The following ZW10 variants were observed in gnomAD, a reference collection of about 807,000 sequenced individuals.
The protein encoded by ZW10 is centromere/kinetochore protein zw10 homolog.
ZW10 carries 53 observed loss-of-function variants against 87.8 expected under a neutral mutation model. That is an observed-to-expected ratio of 0.60 (90% CI 0.48 to 0.76). The LOEUF (loss-of-function observed/expected upper bound fraction) is 0.76, where lower values mean the gene tolerates loss of function less well. Among genes scored for constraint, ZW10 ranks in the 30% least tolerant of loss-of-function variants. The pLI is 0.00. For missense variants in ZW10, 837 were observed against 923.0 expected, an observed-to-expected ratio of 0.91 and a Z score of 1.21; for synonymous variants, 312 against 329.2, an observed-to-expected ratio of 0.95 and a Z score of 0.57.
intron 9 of ZW10, among the ~76,000 whole-genome samples, chr11:113,746,082 G>C (rs1215244411): frequency 6.6e-6 from 1 of 152,178 alleles, no homozygotes; most frequent in Non-Finnish European, 1.5e-5. Flanking sequence ...CAGGGATGCT[G>C]CTAAATATCC....
At chr11:113,736,583 GGA>G (rs1953555534) in intron 15 of ZW10, 35 bp downstream of exon 15, 1 of 1,588,412 alleles carries the variant, frequency 6.3e-7, no homozygotes, top group African/African-American at 1.3e-5. Context: ...TTGTAGCTAT[GGA>G]GAGTTATATG....
chr11:113,744,527 T>C (rs1178091691), intron 9 of ZW10, among the ~76,000 whole-genome samples: 1 of 152,204 alleles, frequency 6.6e-6, no homozygotes, highest in Non-Finnish European at 1.5e-5. Flanking sequence ...GACTGCTGAA[T>C]CCTAGATGAA....
chr11:113,735,218 G>T (rs1187004576), intron 15 of ZW10, among the ~76,000 whole-genome samples: 1 of 152,108 alleles, frequency 6.6e-6, no homozygotes, highest in Non-Finnish European at 1.5e-5. Flanking sequence ...GCAGTAAAAA[G>T]AAGTTGAGTT....
intron 10 of ZW10, among the ~76,000 whole-genome samples, chr11:113,743,036 G>A (rs17115918): frequency 0.085 from 12,906 of 152,248 alleles, 593 homozygotes; most frequent in Middle Eastern, 0.17. Flanking sequence ...TCTGCAATCA[G>A]CTTGGTCCAT....
chr11:113,743,674 T>C, intron 10 of ZW10, 128 bp downstream of exon 10: 1 of 772,862 alleles, frequency 1.3e-6, no homozygotes, highest in South Asian at 1.7e-5. Context: ...TTGTTTTGTT[T>C]CCAGAAAAAG....
chr11:113,763,319 A>G (rs1013352187), intron 2 of ZW10, among the ~76,000 whole-genome samples: 1 of 152,224 alleles, frequency 6.6e-6, no homozygotes, highest in Admixed American at 6.5e-5. Flanking sequence ...CAGTGCTGCA[A>G]TAAACATATG....
chr11:113,773,605 C>T lies in ZW10; in HGVS notation c.62G>A (p.Gly21Glu). 3 of 1,614,048 alleles carry T rather than the reference C, an allele frequency of 1.9e-6. No homozygotes were observed. The highest frequency in any genetic ancestry group is 1.3e-5 in the African/African-American group (1 of 75,056). Residue 21 changes from glycine (G) to glutamate (E), a missense_variant, in exon 1 of 16, where the codon GGG becomes GAG. Coordinates refer to ENST00000200135, the MANE Select transcript of ZW10 (RefSeq NM_004724.4). ...CCGGGTCAGGCGGCTGATCCGGGTC[C>T]CCAGATCCTCCTTTTCCAGCCTCCC... Reference protein sequence around the residue: ...HSGRLEKEDLGTRISRLTRRV... With the variant: ...HSGRLEKEDLETRISRLTRRV...
chr11:113,746,302 A>G (rs2134874767), intron 9 of ZW10, among the ~76,000 whole-genome samples: 1 of 152,340 alleles, frequency 6.6e-6, no homozygotes, highest in South Asian at 2.1e-4. Flanking sequence ...GAGGTTCAAC[A>G]AGGTGAGAAG....
intron 1 of ZW10, among the ~76,000 whole-genome samples, chr11:113,772,256 G>A (rs1393815073): frequency 2.0e-5 from 3 of 152,180 alleles, no homozygotes; most frequent in African/African-American, 4.8e-5. Flanking sequence ...TCCAGAACAC[G>A]CAGGAGCTAG....
intron 2 of ZW10, among the ~76,000 whole-genome samples, chr11:113,765,770 A>G (rs1214217503): frequency 1.3e-5 from 2 of 152,170 alleles, no homozygotes; most frequent in Non-Finnish European, 2.9e-5. Flanking sequence ...ACTATCTTAC[A>G]AGTAAGGCAA....
rs376613268 is a variant in ZW10, at chr11:113,761,431, C to T, written c.241-513G>A. On this transcript the variant is annotated intron_variant, in intron 2 of 15. Coordinates refer to ENST00000200135, the MANE Select transcript of ZW10 (RefSeq NM_004724.4). ...AGTAGCCAGAACTACAGGCACGCAC[C>T]ACCACACCTGTCTAATTTTTGTATT... Among the ~76,000 whole-genome samples, 7 of 152,242 alleles carry T rather than the reference C, an allele frequency of 4.6e-5. 3 individuals are homozygous for T. The highest frequency in any genetic ancestry group is 6.5e-5 in the Admixed American group (1 of 15,286).
rs1282611758 is a variant in ZW10 at position 113,748,267 on chromosome 11, T to G, written c.1079A>C (p.Gln360Pro). Residue 360 changes from glutamine to proline, a missense_variant, in exon 8 of 16, where the codon CAA becomes CCA. By Grantham distance (76) the Gln-to-Pro change is moderately conservative (BLOSUM62 -1). Transcript: ENST00000200135. ...GTCTGGGCTCTTTACCTCTTCATAT[T>G]GCTGTAATTTGCTGCTATTTGTTGG... The part of the protein sequence containing the change: ...SIPTNSSKLQ[Q>P]YEEIIQSTEE... 6.2e-7 allele frequency: 1 copy of G among 1,611,792 alleles called. No individual in the cohort carries two copies. The highest frequency in any genetic ancestry group is 8.5e-7 in the Non-Finnish European group (1 of 1,179,378).
At chr11:113,759,274 G>T (rs556590720) in intron 5 of ZW10, among the ~76,000 whole-genome samples, 1 of 152,072 alleles carries the variant, frequency 6.6e-6, no homozygotes, top group Non-Finnish European at 1.5e-5. Context: ...TTAACAAGTA[G>T]GGTGTGTTAT....
At chr11:113,758,826 C>A in intron 5 of ZW10, 120 bp from the exon 6 acceptor site, 1 of 912,954 alleles carries the variant, frequency 1.1e-6, no homozygotes, top group Non-Finnish European at 1.7e-6. Context: ...ACTCCTAATG[C>A]AACCAAATAT....
At chr11:113,751,255 C>A in intron 7 of ZW10, 1 of 297,486 alleles carries the variant, frequency 3.4e-6, no homozygotes, top group South Asian at 3.5e-5. Context: ...GAATTTTCAC[C>A]AGTGGCTCCA....
At chr11:113,773,280 C>T (rs180844263) in intron 1 of ZW10, among the ~76,000 whole-genome samples, 16 of 152,110 alleles carry the variant, frequency 1.1e-4, no homozygotes, top group South Asian at 4.2e-4. Context: ...ACTCCACTCT[C>T]CAGTGCTCTC....
intron 1 of ZW10, among the ~76,000 whole-genome samples, chr11:113,772,474 C>A (rs1191115625): frequency 6.6e-6 from 1 of 152,120 alleles, no homozygotes; most frequent in Non-Finnish European, 1.5e-5. Flanking sequence ...TCCCTCGAAA[C>A]CCTACTTGAC....
Position 113,757,701 on chromosome 11 carries a change from TC to T in ZW10, c.885del (p.Ile296SerfsTer5). 6.2e-7 allele frequency: 1 copy of T among 1,612,062 alleles called. No individual in the cohort carries two copies. The highest frequency in any genetic ancestry group is 8.5e-7 in the Non-Finnish European group (1 of 1,178,626). On this transcript the variant is annotated frameshift_variant, in exon 7 of 16. Coordinates refer to ENST00000200135, the MANE Select transcript of ZW10 (RefSeq NM_004724.4). LOFTEE classifies it high-confidence loss of function. ...EYPSPSEVFT[K>X]IRLVLEVLQK... The stretch of plus-strand genomic sequence containing the variant: ...TGGAGCACTTCTAGTACCAGTCTGA[TC>T]TTTGTAAAAACTTCAGATGGTGATG...
intron 2 of ZW10, among the ~76,000 whole-genome samples, chr11:113,763,337 G>T (rs1344457165): frequency 3.3e-5 from 5 of 152,220 alleles, no homozygotes; most frequent in Non-Finnish European, 7.3e-5. Flanking sequence ...ATGTGTGCAT[G>T]TGTCTTTATA....
Sources: allele counts gnomAD v4.1 joint callset (sites outside exome capture counted in the v4.1 genomes callset), GRCh38; gene constraint gnomAD v4.1.1; transcripts MANE v1.5; gene names NCBI Gene and HGNC (gene_info 2026-07-23, HGNC 2026-07-21).